The following KIF26B variants were observed in gnomAD, a reference collection of about 807,000 sequenced individuals.
The protein encoded by KIF26B is kinesin family member 26B.
A neutral mutation model predicts 151.2 loss-of-function variants in KIF26B; 63 were observed. That is an observed-to-expected ratio of 0.42 (90% CI 0.34 to 0.51). KIF26B has a LOEUF of 0.51. Among genes scored for constraint, KIF26B ranks in the 20% least tolerant of loss-of-function variants. The pLI is 0.07. For missense variants in KIF26B, 2,813 were observed against 2,913.6 expected (o/e 0.97, Z 0.79); for synonymous variants, 1,357 against 1,262.1 (o/e 1.08, Z -1.59).
At chr1:245,522,800 G>A (rs1661158488) in intron 4 of KIF26B, among the ~76,000 whole-genome samples, 1 of 152,160 alleles carries the variant, frequency 6.6e-6, no homozygotes, top group Admixed American at 6.5e-5. Flanking sequence ...GGGTCTGGGG[G>A]AAATCTTCAG....
intron 9 of KIF26B, among the ~76,000 whole-genome samples, chr1:245,640,503 A>G (rs1223830684): frequency 2.0e-5 from 3 of 151,944 alleles, no homozygotes; most frequent in African/African-American, 4.8e-5. Context: ...AATTTAGTCC[A>G]TATACATTCC....
At chr1:245,344,773 G>T (rs1404393159) in intron 2 of KIF26B, among the ~76,000 whole-genome samples, 1 of 152,056 alleles carries the variant, frequency 6.6e-6, no homozygotes, top group Non-Finnish European at 1.5e-5. Context: ...CAGACAGACT[G>T]CATACCGCGG....
rs1340783244 is a variant in KIF26B at position 245,166,400 on chromosome 1, C to G, written c.465+9717C>G. Among the ~76,000 whole-genome samples the G allele has an allele frequency of 1.3e-5, 2 of 152,122 alleles. No homozygotes were observed. The highest frequency in any genetic ancestry group is 4.8e-5 in the African/African-American group (2 of 41,416). ...CTCCAAGTGGATAAAGCATCTCATTCTTATTTATTCATTTGTAGAGTTGTC... is the reference window on the plus strand; with the variant it reads ...CTCCAAGTGGATAAAGCATCTCATTGTTATTTATTCATTTGTAGAGTTGTC... On this transcript the variant is annotated intron_variant, in intron 2 of 14. Coordinates refer to ENST00000407071, the MANE Select transcript of KIF26B (RefSeq NM_018012.4). This position sits in a 1 kb window ranked among gnomAD's most constrained non-coding sequence, Gnocchi z 4.5.
At chr1:245,520,955 T>C (rs1661087836) in intron 4 of KIF26B, among the ~76,000 whole-genome samples, 1 of 152,120 alleles carries the variant, frequency 6.6e-6, no homozygotes, top group African/African-American at 2.4e-5. Context: ...GGGTGTATTT[T>C]AGTTGGTGTG....
intron 2 of KIF26B, among the ~76,000 whole-genome samples, chr1:245,176,822 A>C (rs1668816399): frequency 6.6e-6 from 1 of 152,192 alleles, no homozygotes; most frequent in Non-Finnish European, 1.5e-5. Flanking sequence ...ACCTGGGATG[A>C]AGCATTTATC....
chr1:245,478,488 C>T (rs1227838779), intron 4 of KIF26B, among the ~76,000 whole-genome samples: 13 of 138,532 alleles, frequency 9.4e-5, no homozygotes, highest in Non-Finnish European at 7.6e-5. Flanking sequence ...AGTGCGGTGG[C>T]GCGATCTCGG....
chr1:245,687,440 C>G lies in KIF26B; in HGVS notation c.4457C>G (p.Pro1486Arg), dbSNP rs201038043. The G allele has an allele frequency of 7.5e-5, 119 of 1,588,380 alleles. No individual in the cohort carries two copies. Among genetic ancestry groups the G allele is most frequent in the Non-Finnish European group, 9.7e-5 (113 of 1,167,850 alleles). ...CAGGAGCAGGACGGAAAGCCCAGTC[C>G]GGGAGACAGGCTCAGCAGCAGCAGC... The part of the protein sequence containing the change: ...AEQEQDGKPS[P>R]GDRLSSSSGE... Residue 1486 changes from proline (P) to arginine (R), a missense_variant, in exon 12 of 15, where the codon CCG (proline) becomes CGG (arginine). This residue lies in a region of KIF26B where 2,060 missense variants were observed against 2,088.6 expected (regional missense o/e 0.99). Coordinates refer to ENST00000407071, the MANE Select transcript of KIF26B (RefSeq NM_018012.4). The surrounding 1 kb of genome is among the most constrained non-coding windows in gnomAD (Gnocchi z 4.9).
At chr1:245,542,997 G>A (rs1055552886) in intron 5 of KIF26B, among the ~76,000 whole-genome samples, 3 of 152,118 alleles carry the variant, frequency 2.0e-5, no homozygotes, top group Admixed American at 6.5e-5. Context: ...CCAGCCTGGG[G>A]TGCTCATGTA....
chr1:245,157,825 C>T (rs1668471770), intron 2 of KIF26B, among the ~76,000 whole-genome samples: 1 of 152,364 alleles, frequency 6.6e-6, no homozygotes, highest in South Asian at 2.1e-4. Context: ...TTCGCTCTTG[C>T]GTGCTAGACC....
intron 2 of KIF26B, among the ~76,000 whole-genome samples, chr1:245,185,180 C>G (rs1228081725): frequency 6.6e-6 from 1 of 151,522 alleles, no homozygotes; most frequent in African/African-American, 2.4e-5. Context: ...GCTCTGTCGC[C>G]TAGGCTGGAG....
chr1:245,184,047 G>GTTTTTT (rs1469137088), intron 2 of KIF26B, among the ~76,000 whole-genome samples: 119 of 9,200 alleles, frequency 0.013, no homozygotes, highest in Middle Eastern at 0.062. Flanking sequence ...GGTGGGAGTT[G>GTTTTTT]TTGTTTTTTT....
chr1:245,647,083 C>T (rs1287236641), intron 10 of KIF26B, among the ~76,000 whole-genome samples: 1 of 152,188 alleles, frequency 6.6e-6, no homozygotes, highest in African/African-American at 2.4e-5. Flanking sequence ...TAAAGCTATA[C>T]ATGTTACATC....
chr1:245,683,558 C>G (rs2044467311), intron 10 of KIF26B, among the ~76,000 whole-genome samples: 1 of 152,206 alleles, frequency 6.6e-6, no homozygotes, highest in African/African-American at 2.4e-5. Context: ...ACAGCACCTG[C>G]ACAGTTGCCA....
intron 3 of KIF26B, among the ~76,000 whole-genome samples, chr1:245,403,932 A>G (rs148670484): frequency 2.6e-5 from 4 of 152,268 alleles, no homozygotes; most frequent in East Asian, 1.9e-4. Context: ...CGTATTCTCA[A>G]TTTGTATCAA....
chr1:245,459,652 G>C (rs1044796261), intron 4 of KIF26B, among the ~76,000 whole-genome samples: 3 of 152,160 alleles, frequency 2.0e-5, no homozygotes, highest in Non-Finnish European at 4.4e-5. Flanking sequence ...AGAATCTCAG[G>C]GTTGGCTGTG....
intron 5 of KIF26B, among the ~76,000 whole-genome samples, chr1:245,547,006 C>CT (rs1372146376): frequency 6.6e-6 from 1 of 152,212 alleles, no homozygotes; most frequent in Admixed American, 6.5e-5. Flanking sequence ...TTCGCGGTTT[C>CT]TTTTTTCCCA....
chr1:245,330,823 C>CG (rs1672093741), intron 2 of KIF26B, among the ~76,000 whole-genome samples: 2 of 12,276 alleles, frequency 1.6e-4, no homozygotes, highest in East Asian at 2.1e-3. Flanking sequence ...GGGGGAGAGT[C>CG]GGGGAGGGAG....
At chr1:245,611,650 A>G in intron 8 of KIF26B, 143 bp from the exon 9 acceptor site, 2 of 687,862 alleles carry the variant, frequency 2.9e-6, no homozygotes, top group Non-Finnish European at 4.8e-6. Flanking sequence ...ACCTTGTTTC[A>G]GAAGGGTTTT....
At position 245,631,175 on chromosome 1, in the gene KIF26B, G is replaced by T. The variant is rs185136875; in HGVS notation, c.2099-14946G>T. Among the ~76,000 whole-genome samples, 410 of 152,260 alleles carry T rather than the reference G, an allele frequency of 2.7e-3. 1 individual carries two copies. Among genetic ancestry groups the T allele is most frequent in the Middle Eastern group, 0.02 (6 of 294 alleles). ...TCCAGTACTATGTTGAATAACAGTG[G>T]TGGAAGTGGGCATCCTTGTCTTGTT... On this transcript the variant is annotated intron_variant, in intron 9 of 14. Transcript: ENST00000407071.
Sources: allele counts gnomAD v4.1 joint callset (sites outside exome capture counted in the v4.1 genomes callset), GRCh38; gene constraint gnomAD v4.1.1; regional missense constraint gnomAD v4.1.1; non-coding constraint Gnocchi (gnomAD v3.1); transcripts MANE v1.5; gene names NCBI Gene and HGNC (gene_info 2026-07-23, HGNC 2026-07-21).